Variants in CD300A observed in about 807,000 individuals in gnomAD.
CD300A encodes CD300a molecule, also known as CMRF35-like molecule 8.
CD300A carries 22 observed loss-of-function variants against 33.6 expected under a neutral mutation model. The ratio of observed to expected loss-of-function variants is 0.66; its 90% CI spans 0.47 to 0.94. The LOEUF (loss-of-function observed/expected upper bound fraction) is 0.94, where lower values mean the gene tolerates loss of function less well. CD300A is among the 40% of genes least tolerant of loss of function. The pLI is 0.00. For missense variants in CD300A, 326 were observed against 360.5 expected, an observed-to-expected ratio of 0.90 and a Z score of 0.77; for synonymous variants, 136 against 148.1, an observed-to-expected ratio of 0.92 and a Z score of 0.59.
intron 6 of CD300A, among the ~76,000 whole-genome samples, chr17:74,483,034 C>A (rs1216584505): frequency 6.6e-6 from 1 of 152,094 alleles, no homozygotes; most frequent in Non-Finnish European, 1.5e-5. Context: ...TTTCTGAGCG[C>A]CCCTGCACTC....
chr17:74,469,183 G>A lies in CD300A; in HGVS notation c.40+2440G>A, dbSNP rs150646545. 3.3e-5 allele frequency among the ~76,000 whole-genome samples: 5 copies of A among 151,298 alleles called. No individual in the cohort carries two copies. In the East Asian group the frequency reaches 9.7e-4, roughly 29 times the overall value. ...GAGTTTTGCTTCTTTTTTTTTGATG[G>A]AAGGGAAAGAATTTCTTAATAACAC... On this transcript the variant is annotated intron_variant, in intron 1 of 6. Coordinates refer to ENST00000360141, the MANE Select transcript of CD300A (RefSeq NM_007261.4).
At chr17:74,472,579 G>A (rs1906173984) in intron 1 of CD300A, among the ~76,000 whole-genome samples, 1 of 151,410 alleles carries the variant, frequency 6.6e-6, no homozygotes, top group Non-Finnish European at 1.5e-5. Flanking sequence ...CAGGATGAAA[G>A]TTTTCGTCAG....
rs116534668 is a variant in CD300A, at chr17:74,471,311, C to G, written c.41-2225C>G. ...TTCTTTCTTCATCTATGGTCCTTTT[C>G]TCTTGTCATGTCTTATTTAGTCAGC... On this transcript the variant is annotated intron_variant, in intron 1 of 6. Transcript: ENST00000360141. Among the ~76,000 whole-genome samples, 287 of 152,250 alleles carry G rather than the reference C, an allele frequency of 1.9e-3. 1 individual carries two copies. The highest frequency in any genetic ancestry group is 6.1e-3 in the African/African-American group (252 of 41,532).
chr17:74,481,039 G>C (rs1022085915), intron 4 of CD300A, among the ~76,000 whole-genome samples: 1 of 152,162 alleles, frequency 6.6e-6, no homozygotes, highest in Admixed American at 6.5e-5. Context: ...GTGAGCCACC[G>C]CACCCGGCCC....
In CD300A at chr17:74,466,722, CTG is replaced by C; in HGVS notation, c.21_22del (p.Leu8AlafsTer31). 1 of 1,596,560 alleles carries C rather than the reference CTG, an allele frequency of 6.3e-7. No individual in the cohort carries two copies. The highest frequency in any genetic ancestry group is 8.5e-7 in the Non-Finnish European group (1 of 1,171,270). On this transcript the variant is annotated frameshift_variant, in exon 1 of 7. Coordinates refer to ENST00000360141, the MANE Select transcript of CD300A (RefSeq NM_007261.4). LOFTEE classifies it high-confidence loss of function. MWLPWALLLLWVPGCFA... is the reference protein window; with the variant it reads MWLPWAXLLLWVPGCFA... ...AGGGACCATGTGGCTGCCTTGGGCT[CTG>C]TTGCTTCTCTGGGTCCCAGGTGAGA...
At chr17:74,475,457 G>A (rs1048866906) in intron 3 of CD300A, among the ~76,000 whole-genome samples, 1 of 152,176 alleles carries the variant, frequency 6.6e-6, no homozygotes, top group African/African-American at 2.4e-5. Context: ...AAGAGGCTAA[G>A]GCTAAGCTTC....
Position 74,480,616 on chromosome 17 carries a change from A to T in CD300A, c.629-673A>T, listed in dbSNP as rs756458792. On this transcript the variant is annotated intron_variant, in intron 4 of 6. Transcript: ENST00000360141. The surrounding 1 kb of genome is among the most constrained non-coding windows in gnomAD (Gnocchi z 4.2). Reference sequence around the variant, plus strand: ...CCAGCAACTTCCCACAGTCTGATGCAGCCCTAAGCCCCAGATGCACAGGGC... The same window carrying T: ...CCAGCAACTTCCCACAGTCTGATGCTGCCCTAAGCCCCAGATGCACAGGGC... 6.6e-6 allele frequency among the ~76,000 whole-genome samples: 1 copy of T among 152,210 alleles called. No homozygotes were observed. Among genetic ancestry groups the T allele is most frequent in the African/African-American group, 2.4e-5 (1 of 41,454 alleles).
chr17:74,470,292 A>G, intron 1 of CD300A: 2 of 902,470 alleles, frequency 2.2e-6, no homozygotes, highest in Non-Finnish European at 1.3e-6. Context: ...CAATCTCTAA[A>G]TTATAATGAC....
chr17:74,476,358 A>G (rs1273761925), intron 3 of CD300A, among the ~76,000 whole-genome samples: 1 of 152,192 alleles, frequency 6.6e-6, no homozygotes, highest in East Asian at 1.9e-4. Context: ...TTTACTGGAC[A>G]ACATCCATAA....
Position 74,472,526 on chromosome 17 carries a change from C to T in CD300A, c.41-1010C>T, listed in dbSNP as rs116857774. The stretch of plus-strand genomic sequence containing the variant: ...ATTTTCAAGGAAGTTCATTTATTTC[C>T]GAGATTTAAGTCTAGGAGAGCTGGG... On this transcript the variant is annotated intron_variant, in intron 1 of 6. Coordinates refer to ENST00000360141, the MANE Select transcript of CD300A (RefSeq NM_007261.4). Among the ~76,000 whole-genome samples the T allele has an allele frequency of 3.2e-4, 48 of 152,054 alleles. No homozygotes were observed. In the East Asian group the frequency reaches 6.6e-3, roughly 21 times the overall value.
Position 74,480,076 on chromosome 17 carries a change from T to C in CD300A, c.629-1213T>C, listed in dbSNP as rs965447829. Among the ~76,000 whole-genome samples the C allele has an allele frequency of 1.3e-5, 2 of 152,134 alleles. No individual in the cohort carries two copies. The highest frequency in any genetic ancestry group is 2.9e-5 in the Non-Finnish European group (2 of 68,016). On this transcript the variant is annotated intron_variant, in intron 4 of 6. Transcript: ENST00000360141. This position sits in a 1 kb window ranked among gnomAD's most constrained non-coding sequence, Gnocchi z 4.2. The stretch of plus-strand genomic sequence containing the variant: ...TCTTCCCCACCAGCTCTTTTTCTCC[T>C]TCCCATCAGAACACTTGTCCCAGGT...
chr17:74,474,164 G>A (rs1196450596), intron 2 of CD300A, among the ~76,000 whole-genome samples: 2 of 141,846 alleles, frequency 1.4e-5, no homozygotes, highest in African/African-American at 5.7e-5. Flanking sequence ...CTGAGTGGGG[G>A]AGGGGTGGGG....
At chr17:74,482,509 G>T (rs112575679) in intron 6 of CD300A, among the ~76,000 whole-genome samples, 207 of 151,828 alleles carry the variant, frequency 1.4e-3, no homozygotes, top group African/African-American at 4.4e-3. Flanking sequence ...CTCCAGCCTG[G>T]TACCGTTCTC....
chr17:74,469,560 C>G (rs1294477324), intron 1 of CD300A, among the ~76,000 whole-genome samples: 1 of 152,178 alleles, frequency 6.6e-6, no homozygotes, highest in African/African-American at 2.4e-5. Flanking sequence ...CACGTTGGCT[C>G]ACGCCTGTAA....
chr17:74,466,918 G>A (rs1598443850), intron 1 of CD300A, 175 bp downstream of exon 1: 4 of 1,458,348 alleles, frequency 2.7e-6, no homozygotes, highest in Non-Finnish European at 3.6e-6. Flanking sequence ...ACCCCTGGGA[G>A]AGGAAGGAGC....
intron 4 of CD300A, among the ~76,000 whole-genome samples, chr17:74,477,932 C>T (rs999819232): frequency 2.6e-5 from 4 of 152,160 alleles, no homozygotes; most frequent in East Asian, 1.9e-4. Context: ...ACAAGGCTCC[C>T]GTGTCTATAA....
chr17:74,478,223 C>A (rs899590978), intron 4 of CD300A, among the ~76,000 whole-genome samples: 25 of 152,230 alleles, frequency 1.6e-4, no homozygotes, highest in African/African-American at 5.5e-4. Context: ...GGGACCTTTT[C>A]TTTGACTCCA....
intron 6 of CD300A, among the ~76,000 whole-genome samples, chr17:74,482,732 T>TTCTTTCTTTCTTTCTTTCTTTCTC: frequency 1.5e-5 from 2 of 133,042 alleles, no homozygotes; most frequent in South Asian, 2.2e-4. Context: ...CTTTCTTTCT[T>TTCTTTCTTTCTTTCTTTCTTTCTC]TGGAATCTCG....
At chr17:74,476,161 T>C (rs1253007861) in intron 3 of CD300A, among the ~76,000 whole-genome samples, 1 of 152,222 alleles carries the variant, frequency 6.6e-6, no homozygotes. Context: ...GAGGTTGGGC[T>C]GGCTCAGGGC....
Sources: allele counts gnomAD v4.1 joint callset (sites outside exome capture counted in the v4.1 genomes callset), GRCh38; gene constraint gnomAD v4.1.1; non-coding constraint Gnocchi (gnomAD v3.1); transcripts MANE v1.5; gene names NCBI Gene and HGNC (gene_info 2026-07-23, HGNC 2026-07-21).